TCAF1: variants seen among roughly 807,000 people sequenced by gnomAD.
TCAF1 encodes the protein TRPM8 channel-associated factor 1.
A neutral mutation model predicts 27.3 loss-of-function variants in TCAF1; 4 were observed. The ratio of observed to expected loss-of-function variants is 0.15; its 90% CI spans 0.07 to 0.34. The LOEUF (loss-of-function observed/expected upper bound fraction) is 0.34. Ranked by LOEUF, TCAF1 falls within the 10% of genes least tolerant of loss-of-function variation. The pLI is 1.00. For synonymous variants in TCAF1, 105 were observed against 167.1 expected, an observed-to-expected ratio of 0.63 and a Z score of 2.87; for missense variants, 257 against 425.8, an observed-to-expected ratio of 0.60 and a Z score of 3.49.
chr7:143,892,528 AT>A (rs556518073), intron 1 of TCAF1, among the ~76,000 whole-genome samples: 206 of 137,850 alleles, frequency 1.5e-3, no homozygotes, highest in African/African-American at 1.4e-3. Context: ...CTTTAACCCA[AT>A]TTTTTTTTTT....
At chr7:143,892,921 T>C (rs890924423) in intron 1 of TCAF1, among the ~76,000 whole-genome samples, 3 of 152,218 alleles carry the variant, frequency 2.0e-5, no homozygotes, top group South Asian at 2.1e-4. Flanking sequence ...CTTTAAATGT[T>C]TGTTGTTTAA....
chr7:143,896,482 A>C (rs73154277), intron 1 of TCAF1, among the ~76,000 whole-genome samples: 20,377 of 152,040 alleles, frequency 0.13, 1,476 homozygotes, highest in East Asian at 0.24. Context: ...TAATTAAAAC[A>C]GTTGATACAC....
chr7:143,876,728 A>G (rs1812739779), intron 1 of TCAF1, 106 bp from the exon 2 acceptor site: 1 of 856,824 alleles, frequency 1.2e-6, no homozygotes. Context: ...CCCACTATGC[A>G]GATGAGGCTG....
chr7:143,875,204 A>G (rs2116767714), intron 2 of TCAF1, among the ~76,000 whole-genome samples: 1 of 152,314 alleles, frequency 6.6e-6, no homozygotes, highest in Non-Finnish European at 1.5e-5. Context: ...GAGAGTTTTA[A>G]TATACAACAT....
chr7:143,896,510 C>T (rs895955611), intron 1 of TCAF1, among the ~76,000 whole-genome samples: 13 of 152,048 alleles, frequency 8.5e-5, no homozygotes, highest in Admixed American at 7.9e-4. Flanking sequence ...CATGTAATTA[C>T]AGACTACACA....
At chr7:143,880,846 T>C (rs1812975249) in intron 1 of TCAF1, among the ~76,000 whole-genome samples, 1 of 152,216 alleles carries the variant, frequency 6.6e-6, no homozygotes, top group Non-Finnish European at 1.5e-5. Context: ...TCCCTCTCTA[T>C]GCCCGAATCC....
rs376037913 is a variant in TCAF1, at chr7:143,852,489, C to T, written c.*1644G>A. ...GGAGAATTTCCTCAAGATACTTCCT[C>T]AGTAAGGGTGCAAAGGAGACTTTCT... On this transcript the variant is annotated 3_prime_UTR_variant, in exon 9 of 9. Transcript: ENST00000479870. 512 of 153,362 alleles carry T rather than the reference C, an allele frequency of 3.3e-3. 1 individual carries two copies. The highest frequency in any genetic ancestry group is 0.012 in the African/African-American group (477 of 41,380). The allele number at this position is 153,362 out of a possible 1,614,324, so 9.5% of individuals were successfully genotyped here.
At position 143,886,462 on chromosome 7, in the gene TCAF1, G is replaced by A. The variant is rs1357965292; in HGVS notation, c.-14-9840C>T. The A allele has an allele frequency of 3.1e-6, 3 of 976,908 alleles. No homozygotes were observed. In the African/African-American group the frequency reaches 5.3e-5, roughly 17 times the overall value. The allele number at this position is 976,908 out of a possible 1,614,324, so 60.5% of individuals were successfully genotyped here. ...AACTGCTCCAACTACAGGAAGCATA[G>A]GTTAAGAACTCTATTTTATTCTTTC... On this transcript the variant is annotated intron_variant, in intron 1 of 8. Coordinates refer to ENST00000479870, the MANE Select transcript of TCAF1 (RefSeq NM_014719.3).
At chr7:143,886,404 A>ACGAC (rs1813405449) in intron 1 of TCAF1, 3 of 622,840 alleles carry the variant, frequency 4.8e-6, no homozygotes, top group Non-Finnish European at 6.0e-6. Context: ...GGGACAGGGT[A>ACGAC]CGACATCCCA....
At chr7:143,893,288 AAAG>A (rs1351596909) in intron 1 of TCAF1, among the ~76,000 whole-genome samples, 1 of 152,266 alleles carries the variant, frequency 6.6e-6, no homozygotes, top group Non-Finnish European at 1.5e-5. Flanking sequence ...GACAATAATA[AAAG>A]AAGAAAAGAC....
chr7:143,884,628 CA>C (rs1342378181), intron 1 of TCAF1, among the ~76,000 whole-genome samples: 4 of 151,054 alleles, frequency 2.6e-5, no homozygotes, highest in Non-Finnish European at 4.4e-5. Flanking sequence ...TAAAAATAAA[CA>C]TTAATAATAA....
intron 2 of TCAF1, among the ~76,000 whole-genome samples, chr7:143,874,707 C>T (rs1812593067): frequency 6.6e-6 from 1 of 152,132 alleles, no homozygotes; most frequent in Admixed American, 6.5e-5. Flanking sequence ...CCACACTGTG[C>T]CATTACTGGT....
At chr7:143,878,814 G>A (rs1812858548) in intron 1 of TCAF1, among the ~76,000 whole-genome samples, 1 of 152,134 alleles carries the variant, frequency 6.6e-6, no homozygotes, top group Admixed American at 6.5e-5. Flanking sequence ...TCCTATTAAT[G>A]TCCTTGTTCA....
At position 143,896,542 on chromosome 7, in the gene TCAF1, A is replaced by C. The variant is rs144919694; in HGVS notation, c.-15+5419T>G. ...CACATTCTTTTTACGCACACAAAGA[A>C]AACTTACTGGGTTTTAAAGCTAGCT... On this transcript the variant is annotated intron_variant, in intron 1 of 8. Transcript: ENST00000479870. Among the ~76,000 whole-genome samples, 852 of 152,180 alleles carry C rather than the reference A, an allele frequency of 5.6e-3. 8 individuals are homozygous for C. Among genetic ancestry groups the C allele is most frequent in the African/African-American group, 0.02 (816 of 41,558 alleles).
chr7:143,892,528 A>ATT (rs556518073), intron 1 of TCAF1, among the ~76,000 whole-genome samples: 8 of 137,884 alleles, frequency 5.8e-5, no homozygotes, highest in East Asian at 2.1e-4. Flanking sequence ...CTTTAACCCA[A>ATT]TTTTTTTTTT....
chr7:143,893,871 A>AT (rs1480607546), intron 1 of TCAF1, among the ~76,000 whole-genome samples: 1 of 151,868 alleles, frequency 6.6e-6, no homozygotes, highest in Admixed American at 6.5e-5. Flanking sequence ...TAGAAAAAGA[A>AT]TAACAAATTT....
chr7:143,882,554 A>T lies in TCAF1; in HGVS notation c.-14-5932T>A, dbSNP rs1014346541. The T allele has an allele frequency of 2.2e-5, 22 of 985,304 alleles. No homozygotes were observed. The African/African-American group carries it at 3.5e-4, about 16-fold the overall frequency. 61.0% of individuals were successfully genotyped at this position (985,304 alleles called of 1,614,324 possible). ...AATCACCAGCAGAAATACGGACACAAAGGGGATTCTCTGTCCCCGATGATT... is the reference window on the plus strand; with the variant it reads ...AATCACCAGCAGAAATACGGACACATAGGGGATTCTCTGTCCCCGATGATT... On this transcript the variant is annotated intron_variant, in intron 1 of 8. Transcript: ENST00000479870.
chr7:143,882,136 G>A (rs1030674941), intron 1 of TCAF1: 2 of 152,270 alleles, frequency 1.3e-5, no homozygotes, highest in African/African-American at 4.8e-5. Flanking sequence ...GAGAAGGGAG[G>A]GGGCTGGGGA....
intron 2 of TCAF1, among the ~76,000 whole-genome samples, chr7:143,875,215 A>G (rs954063010): frequency 4.3e-4 from 66 of 152,188 alleles, no homozygotes; most frequent in African/African-American, 1.6e-3. Context: ...TATACAACAT[A>G]GAGAGTGGCC....
Sources: allele counts gnomAD v4.1 joint callset (sites outside exome capture counted in the v4.1 genomes callset), GRCh38; gene constraint gnomAD v4.1.1; transcripts MANE v1.5; gene names NCBI Gene and HGNC (gene_info 2026-07-23, HGNC 2026-07-21).